Variants in MED27 observed in about 807,000 individuals in gnomAD.
MED27 encodes mediator complex subunit 27.
In MED27, 30 loss-of-function variants were observed where a neutral mutation model predicts 38.2. The ratio of observed to expected loss-of-function variants is 0.79; its 90% confidence interval spans 0.59 to 1.07. MED27 has a LOEUF of 1.07. Ranked by LOEUF, MED27 falls within the 50% of genes least tolerant of loss-of-function variation. The probability of loss-of-function intolerance (pLI) is 0.00; values close to 1 mark genes in which losing one functional copy is unlikely to be tolerated. For missense variants in MED27, 289 were observed against 397.5 expected (o/e 0.73, Z 2.32); for synonymous variants, 122 against 153.5 (o/e 0.79, Z 1.52).
chr9:131,994,722 A>G (rs543351954), intron 3 of MED27, among the ~76,000 whole-genome samples: 1 of 152,328 alleles, frequency 6.6e-6, no homozygotes, highest in East Asian at 1.9e-4. Flanking sequence ...TCATATTTCC[A>G]TGAAATAGAC....
chr9:132,036,921 C>T (rs949538190), intron 2 of MED27, among the ~76,000 whole-genome samples: 5 of 152,082 alleles, frequency 3.3e-5, no homozygotes, highest in East Asian at 1.9e-4. Context: ...CAGTCCAGGC[C>T]GAAGGAACAA....
At chr9:131,866,620 G>C (rs1237153867) in intron 6 of MED27, among the ~76,000 whole-genome samples, 2 of 152,212 alleles carry the variant, frequency 1.3e-5, no homozygotes, top group African/African-American at 4.8e-5. Flanking sequence ...GTGACGCCTT[G>C]GGCGAGGCAC....
At chr9:132,076,751 C>T (rs1288766442) in intron 2 of MED27, among the ~76,000 whole-genome samples, 1 of 152,178 alleles carries the variant, frequency 6.6e-6, no homozygotes, top group African/African-American at 2.4e-5. Context: ...CACCACATAG[C>T]ACCCAAACAA....
intron 6 of MED27, among the ~76,000 whole-genome samples, chr9:131,881,987 C>T (rs1839055955): frequency 6.6e-6 from 1 of 151,836 alleles, no homozygotes; most frequent in Admixed American, 6.6e-5. Flanking sequence ...AACTCCTGAC[C>T]TTGTAATCCA....
intron 2 of MED27, among the ~76,000 whole-genome samples, chr9:132,061,483 T>G (rs1833697513): frequency 6.6e-6 from 1 of 152,284 alleles, no homozygotes. Context: ...TTGTTTTAGC[T>G]TGAATGGTCT....
chr9:131,999,288 G>C (rs967214659), intron 3 of MED27, among the ~76,000 whole-genome samples: 1 of 152,098 alleles, frequency 6.6e-6, no homozygotes, highest in Admixed American at 6.6e-5. Flanking sequence ...TCTATCTATG[G>C]GCCGGGTCCA....
chr9:132,014,003 C>T (rs1233464662), intron 3 of MED27, among the ~76,000 whole-genome samples: 2 of 151,894 alleles, frequency 1.3e-5, no homozygotes, highest in African/African-American at 4.8e-5. Context: ...GTCAGGAGTT[C>T]GAAACCAGCC....
At chr9:131,922,279 T>C (rs1342704691) in intron 4 of MED27, among the ~76,000 whole-genome samples, 1 of 152,138 alleles carries the variant, frequency 6.6e-6, no homozygotes, top group Non-Finnish European at 1.5e-5. Context: ...ATTCTTACAC[T>C]GATAGCTTTC....
intron 4 of MED27, among the ~76,000 whole-genome samples, chr9:131,936,614 C>T (rs751205249): frequency 3.3e-5 from 5 of 152,342 alleles, no homozygotes; most frequent in African/African-American, 9.6e-5. Context: ...GCGGTTAATA[C>T]GGAATCATTT....
intron 2 of MED27, among the ~76,000 whole-genome samples, chr9:132,061,032 C>T (rs1298884055): frequency 3.9e-5 from 6 of 152,284 alleles, no homozygotes; most frequent in African/African-American, 1.4e-4. Context: ...TCTCCTGTCA[C>T]CCTACAAGTA....
intron 4 of MED27, among the ~76,000 whole-genome samples, chr9:131,914,329 G>A (rs962445927): frequency 1.3e-5 from 2 of 152,184 alleles, no homozygotes; most frequent in African/African-American, 2.4e-5. Flanking sequence ...TTTGGAGTCC[G>A]GCTGACTGAG....
intron 4 of MED27, among the ~76,000 whole-genome samples, chr9:131,936,132 CAAA>C (rs748150201): frequency 2.4e-5 from 2 of 84,296 alleles, no homozygotes; most frequent in Admixed American, 1.4e-4. Flanking sequence ...GACCCTGTCT[CAAA>C]AAAAAAAAAA....
chr9:132,006,823 T>C (rs975903908), intron 3 of MED27, among the ~76,000 whole-genome samples: 2 of 152,196 alleles, frequency 1.3e-5, no homozygotes, highest in Non-Finnish European at 2.9e-5. Flanking sequence ...TGCATCACTA[T>C]TGCCAAAGAC....
At chr9:131,954,730 C>A (rs1169058853) in intron 3 of MED27, among the ~76,000 whole-genome samples, 5 of 152,160 alleles carry the variant, frequency 3.3e-5, no homozygotes, top group Admixed American at 1.3e-4. Context: ...AAAGAAACTC[C>A]TCTGCCCAGA....
At chr9:131,880,768 T>C (rs2131478405) in intron 6 of MED27, among the ~76,000 whole-genome samples, 1 of 152,318 alleles carries the variant, frequency 6.6e-6, no homozygotes, top group East Asian at 1.9e-4. Context: ...GCCTGGCAGG[T>C]TATTTTCAAG....
chr9:131,994,406 T>C (rs555882647), intron 3 of MED27, among the ~76,000 whole-genome samples: 25 of 152,192 alleles, frequency 1.6e-4, no homozygotes, highest in Admixed American at 1.5e-3. Flanking sequence ...TAAAAACCAA[T>C]ATTGCATCCC....
At chr9:131,914,861 T>C (rs1026139135) in intron 4 of MED27, among the ~76,000 whole-genome samples, 2 of 152,130 alleles carry the variant, frequency 1.3e-5, no homozygotes, top group African/African-American at 4.8e-5. Flanking sequence ...TGGATATGCT[T>C]CTCAGGAAGA....
At chr9:131,885,751 C>A (rs1260367735) in intron 5 of MED27, among the ~76,000 whole-genome samples, 2 of 152,194 alleles carry the variant, frequency 1.3e-5, no homozygotes, top group Non-Finnish European at 2.9e-5. Context: ...GAGTTTAGAA[C>A]AAATTAAGTA....
chr9:131,870,806 C>G (rs992889671), intron 6 of MED27, among the ~76,000 whole-genome samples: 3 of 152,204 alleles, frequency 2.0e-5, no homozygotes, highest in African/African-American at 7.2e-5. Flanking sequence ...TTCCTTCCAC[C>G]TCTCAGCCAG....
Sources: allele counts gnomAD v4.1 joint callset (sites outside exome capture counted in the v4.1 genomes callset), GRCh38; gene constraint gnomAD v4.1.1; transcripts MANE v1.5; gene names NCBI Gene and HGNC (gene_info 2026-07-23, HGNC 2026-07-21).